The following ALMS1 variants were observed in gnomAD, a reference collection of about 807,000 sequenced individuals.
ALMS1 encodes the protein centrosome-associated protein ALMS1.
Under a neutral mutation model 352.2 loss-of-function variants are expected in ALMS1, and 271 were observed. That is an observed-to-expected ratio of 0.77 (90% confidence interval 0.70 to 0.85). The LOEUF is 0.85. ALMS1 is among the 40% of genes least tolerant of loss of function. ALMS1 has a pLI of 0.00. For synonymous variants in ALMS1, 1,865 were observed against 1,761.2 expected (o/e 1.06, Z -1.48); for missense variants, 5,445 against 4,870.7 (o/e 1.12, Z -3.51).
chr2:73,451,331 G>A lies in ALMS1; in HGVS notation c.4804G>A (p.Gly1602Arg), dbSNP rs373984285. Residue 1602 changes from glycine (G) to arginine (R), a missense_variant, in exon 8 of 23, where the codon GGA (glycine) becomes AGA (arginine). Coordinates refer to ENST00000613296, the MANE Select transcript of ALMS1 (RefSeq NM_001378454.1). Reference sequence around the variant, plus strand: ...GGCTCTGAAAGTTTCCATTGTTTCTGGACCTACTGAAAAAAAGACTGACAT... The same window carrying A: ...GGCTCTGAAAGTTTCCATTGTTTCTAGACCTACTGAAAAAAAGACTGACAT... ...EEALKVSIVS[G>R]PTEKKTDIPA... 1.9e-6 allele frequency: 3 copies of A among 1,613,980 alleles called. No homozygotes were observed. The highest frequency in any genetic ancestry group is 1.1e-5 in the South Asian group (1 of 91,058).
intron 7 of ALMS1, 69 bp downstream of exon 7, chr2:73,432,360 C>T: frequency 8.9e-7 from 1 of 1,124,164 alleles, no homozygotes; most frequent in Non-Finnish European, 1.3e-6. Context: ...CTTGTTAGGT[C>T]TATCTAATTT....
At chr2:73,585,246 A>T (rs1675284210) in intron 16 of ALMS1, among the ~76,000 whole-genome samples, 1 of 152,198 alleles carries the variant, frequency 6.6e-6, no homozygotes, top group Non-Finnish European at 1.5e-5. Context: ...TCCCACCAGC[A>T]GTGTAAAAAT....
chr2:73,490,336 A>G lies in ALMS1; in HGVS notation c.8377A>G (p.Arg2793Gly), dbSNP rs1386577197. 1 of 1,612,354 alleles carries G rather than the reference A, an allele frequency of 6.2e-7. No individual in the cohort carries two copies. The highest frequency in any genetic ancestry group is 8.5e-7 in the Non-Finnish European group (1 of 1,179,322). ...AGTGACTATTTTAGCAGAAGGTAGAAGGCAAAGCCAAAAATTACCTGTTGA... is the reference window on the plus strand; with the variant it reads ...AGTGACTATTTTAGCAGAAGGTAGAGGGCAAAGCCAAAAATTACCTGTTGA... ...KEVTILAEGRRQSQKLPVDFE... is the reference protein window; with the variant it reads ...KEVTILAEGRGQSQKLPVDFE... The change falls in exon 10 of 23, where the codon AGG (arginine) becomes GGG (glycine). Residue 2793 changes from arginine (R) to glycine (G), a missense_variant. Coordinates refer to ENST00000613296, the MANE Select transcript of ALMS1 (RefSeq NM_001378454.1).
At chr2:73,531,090 G>C (rs1441351573) in intron 11 of ALMS1, among the ~76,000 whole-genome samples, 1 of 152,206 alleles carries the variant, frequency 6.6e-6, no homozygotes, top group East Asian at 1.9e-4. Flanking sequence ...TTGGCTCCTC[G>C]TTACTTATGC....
At chr2:73,454,211 A>T (rs1672011975) in intron 8 of ALMS1, 144 bp downstream of exon 8, 1 of 1,414,210 alleles carries the variant, frequency 7.1e-7, no homozygotes, top group African/African-American at 1.4e-5. Context: ...GGAGTTCTAA[A>T]TGTATTTTCC....
At chr2:73,455,531 G>A (rs577314532) in intron 9 of ALMS1, among the ~76,000 whole-genome samples, 1 of 152,128 alleles carries the variant, frequency 6.6e-6, no homozygotes, top group Non-Finnish European at 1.5e-5. Context: ...AGCCTCTCAG[G>A]TAGCTGGGAC....
intron 9 of ALMS1, among the ~76,000 whole-genome samples, chr2:73,461,321 C>T (rs531305365): frequency 1.1e-4 from 16 of 152,308 alleles, no homozygotes; most frequent in African/African-American, 3.6e-4. Context: ...GTGCAGCCAC[C>T]GCTGCTGATA....
At chr2:73,459,560 C>T (rs1672143512) in intron 9 of ALMS1, 2 of 152,182 alleles carry the variant, frequency 1.3e-5, no homozygotes, top group Admixed American at 6.5e-5. Context: ...TTATTTATAT[C>T]ATTATGGACT....
chr2:73,396,037 G>A (rs1670753245), intron 1 of ALMS1, among the ~76,000 whole-genome samples: 1 of 152,128 alleles, frequency 6.6e-6, no homozygotes, highest in African/African-American at 2.4e-5. Flanking sequence ...ATGGTCCTCG[G>A]CTGTGGGTTG....
intron 13 of ALMS1, among the ~76,000 whole-genome samples, chr2:73,554,918 G>C (rs1674513338): frequency 6.6e-6 from 1 of 152,074 alleles, no homozygotes; most frequent in Non-Finnish European, 1.5e-5. Flanking sequence ...GAATCTAAAA[G>C]GGTCTGTAAG....
At chr2:73,517,316 C>T (rs907969305) in intron 10 of ALMS1, among the ~76,000 whole-genome samples, 2 of 135,044 alleles carry the variant, frequency 1.5e-5, no homozygotes, top group African/African-American at 6.0e-5. Flanking sequence ...TACAGTGGTG[C>T]AGTCACGGCT....
chr2:73,473,482 T>C (rs1303079011), intron 9 of ALMS1, among the ~76,000 whole-genome samples: 1 of 151,946 alleles, frequency 6.6e-6, no homozygotes, highest in East Asian at 1.9e-4. Context: ...CTTTATAATA[T>C]TCAATATGTC....
At position 73,491,080 on chromosome 2, in the gene ALMS1, A is replaced by G. The variant is rs757177003; in HGVS notation, c.9121A>G (p.Arg3041Gly). ...AASASTPPSN[R>G]KALSCVHITL... is the part of the protein sequence containing the mutation. The stretch of plus-strand genomic sequence containing the variant: ...ATCTGCATCTACTCCTCCTTCAAAT[A>G]GAAAAGCACTTTCTTGTGTTCATAT... The change falls in exon 10 of 23, where the codon AGA becomes GGA. Residue 3041 changes from arginine (R) to glycine (G), a missense_variant. Coordinates refer to ENST00000613296, the MANE Select transcript of ALMS1 (RefSeq NM_001378454.1). The G allele has an allele frequency of 1.2e-6, 2 of 1,614,214 alleles. No individual in the cohort carries two copies. The highest frequency in any genetic ancestry group is 1.7e-5 in the Admixed American group (1 of 60,032).
At chr2:73,498,884 T>C (rs775232454) in intron 10 of ALMS1, among the ~76,000 whole-genome samples, 3 of 152,174 alleles carry the variant, frequency 2.0e-5, no homozygotes, top group Non-Finnish European at 2.9e-5. Context: ...TGGGATTGCA[T>C]TGAAACTGTA....
chr2:73,556,791 C>T (rs1674554676), intron 13 of ALMS1, among the ~76,000 whole-genome samples: 1 of 152,072 alleles, frequency 6.6e-6, no homozygotes, highest in Non-Finnish European at 1.5e-5. Context: ...CAGCCTCCAC[C>T]TCCTGGGTTC....
intron 10 of ALMS1, among the ~76,000 whole-genome samples, chr2:73,504,351 C>T (rs560762704): frequency 6.6e-6 from 1 of 152,292 alleles, no homozygotes; most frequent in African/African-American, 2.4e-5. Flanking sequence ...AATCAAGATA[C>T]AGAAGTGCTC....
chr2:73,474,840 T>C (rs1302685873), intron 9 of ALMS1, among the ~76,000 whole-genome samples: 15 of 152,122 alleles, frequency 9.9e-5, no homozygotes, highest in Admixed American at 9.8e-4. Flanking sequence ...TTAAAGTGTA[T>C]AGTTTATTTA....
At chr2:73,604,246 T>C (rs1262108860) in intron 21 of ALMS1, among the ~76,000 whole-genome samples, 2 of 152,162 alleles carry the variant, frequency 1.3e-5, no homozygotes, top group African/African-American at 2.4e-5. Context: ...ATTAATTCAT[T>C]TGAGTGTTGA....
chr2:73,503,290 T>G (rs1673254135), intron 10 of ALMS1, among the ~76,000 whole-genome samples: 1 of 151,122 alleles, frequency 6.6e-6, no homozygotes, highest in South Asian at 2.1e-4. Context: ...GATGTTCCCC[T>G]TCCTGTGTCC....
Sources: allele counts gnomAD v4.1 joint callset (sites outside exome capture counted in the v4.1 genomes callset), GRCh38; gene constraint gnomAD v4.1.1; transcripts MANE v1.5; gene names NCBI Gene and HGNC (gene_info 2026-07-23, HGNC 2026-07-21).